NDRG4: variants seen among roughly 807,000 people sequenced by gnomAD.
NDRG4 encodes protein NDRG4.
NDRG4 carries 38 observed loss-of-function variants against 55.8 expected under a neutral mutation model. That is an observed-to-expected ratio of 0.68 (90% CI 0.53 to 0.89). The LOEUF is 0.89. Ranked by LOEUF, NDRG4 falls within the 40% of genes least tolerant of loss-of-function variation. NDRG4 has a pLI of 0.00. For missense variants in NDRG4, 455 were observed against 468.6 expected (o/e 0.97, Z 0.27); for synonymous variants, 190 against 182.7 (o/e 1.04, Z -0.32).
At position 58,511,368 on chromosome 16, in the gene NDRG4, G is replaced by C. The variant is rs905844971; in HGVS notation, c.905-54G>C. ...TGCTTGCAGCCTACTTTTCCCACCA[G>C]AGGCACCTGGCCCTGCCCGCCAGTC... is the stretch of plus-strand genomic sequence containing the variant. On this transcript the variant is annotated intron_variant, in intron 14 of 14. Transcript: ENST00000570248. The C allele has an allele frequency of 2.2e-5, 34 of 1,528,916 alleles. No individual in the cohort carries two copies. In the South Asian group the frequency reaches 4.2e-4, roughly 19 times the overall value. 94.7% of individuals were successfully genotyped at this position (1,528,916 alleles called of 1,614,324 possible).
Position 58,464,082 on chromosome 16 carries a change from G to A in NDRG4, c.-24+285G>A, listed in dbSNP as rs894383168. On this transcript the variant is annotated intron_variant, in intron 1 of 15. Coordinates refer to the NDRG4 transcript ENST00000258187. The surrounding 1 kb of genome is among the most constrained non-coding windows in gnomAD (Gnocchi z 4.8). ...ACCCCCCACCGCGACGCCCGGAGGC[G>A]GCGGGGTCTCTTTGTTCGGGCGGCG... is the stretch of plus-strand genomic sequence containing the variant. 5.2e-5 allele frequency: 13 copies of A among 247,740 alleles called. No individual in the cohort carries two copies. The highest frequency in any genetic ancestry group is 1.0e-4 in the Non-Finnish European group (13 of 130,466). The allele number at this position is 247,740 out of a possible 1,614,324, so 15.3% of individuals were successfully genotyped here.
rs2034593286 is a variant in NDRG4 at position 58,482,718 on chromosome 16, T to C, written c.-23-5038T>C. On this transcript the variant is annotated intron_variant, in intron 1 of 15. Coordinates refer to the NDRG4 transcript ENST00000258187. ...CTTCCTCCCTCCCTCCTTTCCTTCC[T>C]CCCTCCCTCCCTCCCTTCCTTCCTC... Among the ~76,000 whole-genome samples, 3 of 123,066 alleles carry C rather than the reference T, an allele frequency of 2.4e-5. No homozygotes were observed. The South Asian group carries it at 9.6e-4, about 39-fold the overall frequency. The allele number at this position is 123,066 out of a possible 152,430, so 80.7% of individuals were successfully genotyped here.
intron 1 of NDRG4, among the ~76,000 whole-genome samples, chr16:58,478,387 T>TAA (rs771500758): frequency 1.5e-5 from 1 of 67,106 alleles, no homozygotes. Context: ...AGACTCCATC[T>TAA]AAAAAAAAAA....
intron 5 of NDRG4, among the ~76,000 whole-genome samples, chr16:58,505,639 T>C (rs948761713): frequency 3.3e-5 from 5 of 151,772 alleles, no homozygotes; most frequent in African/African-American, 9.7e-5. Flanking sequence ...AATACCTCTT[T>C]TGCAATGCCT....
At chr16:58,487,102 AC>A (rs2035188362) in intron 1 of NDRG4, among the ~76,000 whole-genome samples, 5 of 151,854 alleles carry the variant, frequency 3.3e-5, no homozygotes, top group Admixed American at 3.3e-4. Flanking sequence ...TCTGCGTCTG[AC>A]CCTGTGTTTG....
At chr16:58,473,593 C>T (rs1438990248) in intron 1 of NDRG4, among the ~76,000 whole-genome samples, 2 of 152,156 alleles carry the variant, frequency 1.3e-5, no homozygotes, top group African/African-American at 4.8e-5. Context: ...TAGCTCTATC[C>T]TTCCATAGCT....
At chr16:58,468,948 G>A (rs2032271310) in intron 1 of NDRG4, among the ~76,000 whole-genome samples, 1 of 152,164 alleles carries the variant, frequency 6.6e-6, no homozygotes, top group South Asian at 2.1e-4. Context: ...GTTCCAAAAC[G>A]GTTCAGAGTC....
At chr16:58,500,847 C>T (rs1489845523) in intron 1 of NDRG4, 2 of 468,156 alleles carry the variant, frequency 4.3e-6, no homozygotes, top group Non-Finnish European at 7.0e-6. Flanking sequence ...CCTTAGGAGC[C>T]ACCTCACAGT....
intron 1 of NDRG4, among the ~76,000 whole-genome samples, chr16:58,472,528 G>A (rs1357411673): frequency 2.0e-5 from 3 of 152,212 alleles, no homozygotes; most frequent in African/African-American, 7.2e-5. Flanking sequence ...GAGGCGGGAT[G>A]CTGGCTTCAC....
chr16:58,505,146 A>G (rs28529020), intron 5 of NDRG4, among the ~76,000 whole-genome samples: 12,568 of 152,142 alleles, frequency 0.083, 1,421 homozygotes, highest in African/African-American at 0.25. Flanking sequence ...TCAGGAGATC[A>G]AGACCATCCT....
chr16:58,511,690 G>A lies in NDRG4; in HGVS notation c.*114G>A, dbSNP rs1302730151. 2 of 1,351,464 alleles carry A rather than the reference G, an allele frequency of 1.5e-6. No homozygotes were observed. The highest frequency in any genetic ancestry group is 4.7e-5 in the East Asian group (2 of 42,764). The allele number at this position is 1,351,464 out of a possible 1,614,324, so 83.7% of individuals were successfully genotyped here. ...GGCAAAGGGGAGGAAATGGGGTTCT[G>A]TTTGAAAAAAATGAGGGGATCTTAG... On this transcript the variant is annotated 3_prime_UTR_variant, in exon 15 of 15. Transcript: ENST00000570248.
chr16:58,483,865 G>A (rs996304604), intron 1 of NDRG4, among the ~76,000 whole-genome samples: 4 of 152,160 alleles, frequency 2.6e-5, no homozygotes, highest in Admixed American at 6.5e-5. Flanking sequence ...AGGAGTTTGC[G>A]ACCAGCCTGG....
chr16:58,513,168 A>ATGTATGTG lies in NDRG4; in HGVS notation c.*1595_*1596insATGTGTGT, dbSNP rs1555490232. On this transcript the variant is annotated 3_prime_UTR_variant, in exon 15 of 15. Coordinates refer to ENST00000570248, the MANE Select transcript of NDRG4 (RefSeq NM_001242835.2). The stretch of plus-strand genomic sequence containing the variant: ...GTATCTATAAATATCTATACATTAT[A>ATGTATGTG]TGTGTGTGTGTGTGTGTGTGTGTGT... The ATGTATGTG allele has an allele frequency of 1.3e-5, 2 of 150,136 alleles. No homozygotes were observed. Among genetic ancestry groups the ATGTATGTG allele is most frequent in the African/African-American group, 4.9e-5 (2 of 40,466 alleles). The allele number at this position is 150,136 out of a possible 1,614,324, so 9.3% of individuals were successfully genotyped here. A position where few individuals can be genotyped will look rare whatever the true frequency, so the allele number is the denominator to read the frequency against.
At chr16:58,477,949 T>C (rs2033895424) in intron 1 of NDRG4, among the ~76,000 whole-genome samples, 1 of 152,180 alleles carries the variant, frequency 6.6e-6, no homozygotes, top group Non-Finnish European at 1.5e-5. Context: ...CAGATTGACA[T>C]CATGTGCCTG....
chr16:58,471,888 AGTGTGT>A (rs1302450483), intron 1 of NDRG4, among the ~76,000 whole-genome samples: 5 of 151,648 alleles, frequency 3.3e-5, no homozygotes, highest in African/African-American at 1.2e-4. Flanking sequence ...AGAGTGTGTG[AGTGTGT>A]GTGTGTGAGA....
rs1282897366 is a variant in NDRG4, at chr16:58,464,136, ACCGCACCCACC to A, written c.-24+344_-24+354del. ...ACGGGGGACCACCTCCCACGGTGTC[ACCGCACCCACC>A]CCGCGCCCTTCCTCCGCCTCCTGGA... is the stretch of plus-strand genomic sequence containing the variant. On this transcript the variant is annotated intron_variant, in intron 1 of 15. Coordinates refer to the NDRG4 transcript ENST00000258187. The surrounding 1 kb of genome is among the most constrained non-coding windows in gnomAD (Gnocchi z 4.8). 1 of 341,272 alleles carries A rather than the reference ACCGCACCCACC, an allele frequency of 2.9e-6. No individual in the cohort carries two copies. Among genetic ancestry groups the A allele is most frequent in the Non-Finnish European group, 5.3e-6 (1 of 190,390 alleles). 21.1% of individuals were successfully genotyped at this position (341,272 alleles called of 1,614,324 possible).
chr16:58,482,663 C>CCTTCCCTCCCTTCCTT (rs1567580506), intron 1 of NDRG4, among the ~76,000 whole-genome samples: 9 of 64,926 alleles, frequency 1.4e-4, no homozygotes, highest in Non-Finnish European at 1.7e-4. Context: ...TTCTCTCTTT[C>CCTTCCCTCCCTTCCTT]CATCCCTCCC....
At chr16:58,513,943 G>A (rs2039038086), downstream of NDRG4, among the ~76,000 whole-genome samples, 1 of 152,082 alleles carries the variant, frequency 6.6e-6, no homozygotes, top group East Asian at 1.9e-4. Context: ...GGATGACAGA[G>A]CAAGACTCTG....
At chr16:58,486,791 C>A (rs1314651689) in intron 1 of NDRG4, among the ~76,000 whole-genome samples, 3 of 151,840 alleles carry the variant, frequency 2.0e-5, no homozygotes, top group Admixed American at 6.6e-5. Flanking sequence ...GGTTCAGAAA[C>A]CCCTGGGGTT....
Sources: gnomAD v4.1 joint callset for allele counts (sites outside exome capture counted in the v4.1 genomes callset) on GRCh38, gnomAD v4.1.1 for gene constraint, Gnocchi (gnomAD v3.1) non-coding constraint, MANE v1.5 for transcripts, NCBI Gene and HGNC (gene_info 2026-07-23, HGNC 2026-07-21) for gene names.